The following CLASP2 variants were observed in gnomAD, a reference collection of about 807,000 sequenced individuals.
CLASP2 encodes the protein cytoplasmic linker associated protein 2.
CLASP2 carries 47 observed loss-of-function variants against 194.4 expected under a neutral mutation model. The ratio of observed to expected loss-of-function variants is 0.24; its 90% CI spans 0.19 to 0.31. The LOEUF (loss-of-function observed/expected upper bound fraction) is 0.31. CLASP2 is among the 10% of genes least tolerant of loss of function. CLASP2 has a pLI of 1.00. For synonymous variants in CLASP2, 619 were observed against 633.5 expected (o/e 0.98, Z 0.34); for missense variants, 1,445 against 1,823.6 (o/e 0.79, Z 3.78).
chr3:33,535,485 C>T, intron 33 of CLASP2, 24 bp from the exon 34 acceptor site: 5 of 1,553,650 alleles, frequency 3.2e-6, no homozygotes, highest in Non-Finnish European at 4.4e-6. Flanking sequence ...GTGAAAGCCA[C>T]AGCAAATTAA....
chr3:33,703,894 T>C (rs190028986), intron 1 of CLASP2, among the ~76,000 whole-genome samples: 16 of 152,368 alleles, frequency 1.1e-4, no homozygotes, highest in African/African-American at 2.6e-4. Context: ...GACAATGGAA[T>C]AGTATTCAGC....
chr3:33,642,786 T>C (rs1340538212), intron 8 of CLASP2, among the ~76,000 whole-genome samples: 1 of 151,842 alleles, frequency 6.6e-6, no homozygotes, highest in African/African-American at 2.4e-5. Flanking sequence ...CAATATCCTC[T>C]GGCCAGTAGC....
Position 33,570,202 on chromosome 3 carries a change from T to G in CLASP2, c.2763+525A>C, listed in dbSNP as rs1185851529. Among the ~76,000 whole-genome samples the G allele has an allele frequency of 2.6e-5, 4 of 152,280 alleles. No homozygotes were observed. In the South Asian group the frequency reaches 8.3e-4, roughly 32 times the overall value. On this transcript the variant is annotated intron_variant, in intron 26 of 38. Transcript: ENST00000682230. ...AATATATTTTAATCAACATTAAAAA[T>G]GAACAAAGTTCTGAAAATTTTTATG...
chr3:33,707,784 C>T (rs1314298149), intron 1 of CLASP2, among the ~76,000 whole-genome samples: 1 of 151,504 alleles, frequency 6.6e-6, no homozygotes, highest in Non-Finnish European at 1.5e-5. Context: ...ATGAAACCGG[C>T]AAGATCCAGA....
intron 33 of CLASP2, among the ~76,000 whole-genome samples, chr3:33,536,693 G>A (rs563363443): frequency 9.2e-5 from 14 of 152,296 alleles, no homozygotes; most frequent in Non-Finnish European, 2.1e-4. Flanking sequence ...GCATAATCAA[G>A]GAGGCCAAAT....
chr3:33,618,227 T>C (rs894502636), intron 12 of CLASP2, among the ~76,000 whole-genome samples: 3 of 151,966 alleles, frequency 2.0e-5, no homozygotes, highest in East Asian at 3.9e-4. Context: ...GGATTACAGG[T>C]GTGAGCTGCC....
At chr3:33,581,709 TAGAG>T (rs1283999048) in intron 23 of CLASP2, 108 bp downstream of exon 23, 18 of 668,792 alleles carry the variant, frequency 2.7e-5, no homozygotes, top group Middle Eastern at 2.6e-4. Flanking sequence ...AGAAAAGGGG[TAGAG>T]AGAAAGATCT....
At chr3:33,629,933 A>G (rs1000888942) in intron 9 of CLASP2, among the ~76,000 whole-genome samples, 1 of 152,172 alleles carries the variant, frequency 6.6e-6, no homozygotes, top group African/African-American at 2.4e-5. Flanking sequence ...ACAGATGATT[A>G]ATTCAGAGTG....
chr3:33,538,713 G>C, intron 33 of CLASP2, 76 bp downstream of exon 33: 1 of 1,257,930 alleles, frequency 7.9e-7, no homozygotes, highest in Non-Finnish European at 1.1e-6. Context: ...AAAAATGACA[G>C]AAAGCAAAAT....
intron 8 of CLASP2, among the ~76,000 whole-genome samples, chr3:33,639,134 T>TA (rs1479383573): frequency 6.6e-6 from 1 of 152,122 alleles, no homozygotes; most frequent in Non-Finnish European, 1.5e-5. Context: ...CACGGTGCAC[T>TA]ACAGCCTCAA....
At chr3:33,584,639 C>A in intron 22 of CLASP2, 111 bp downstream of exon 22, 2 of 957,628 alleles carry the variant, frequency 2.1e-6, no homozygotes, top group East Asian at 5.6e-5. Context: ...AAGTTATTTT[C>A]TTCTAATTTG....
intron 30 of CLASP2, among the ~76,000 whole-genome samples, chr3:33,550,164 G>A (rs1490860208): frequency 1.3e-5 from 2 of 152,086 alleles, no homozygotes; most frequent in Non-Finnish European, 2.9e-5. Context: ...AGCATTTTGG[G>A]AGGCTAAGGT....
intron 14 of CLASP2, among the ~76,000 whole-genome samples, chr3:33,608,325 G>A (rs535891809): frequency 5.3e-5 from 8 of 152,282 alleles, no homozygotes; most frequent in Non-Finnish European, 1.0e-4. Context: ...TCAACTTGGA[G>A]TATCTTATAT....
chr3:33,685,014 T>TA (rs1235500720), intron 5 of CLASP2, among the ~76,000 whole-genome samples: 1 of 143,890 alleles, frequency 6.9e-6, no homozygotes, highest in Admixed American at 7.1e-5. Context: ...AATAAATAAA[T>TA]AAATAAATAA....
chr3:33,501,978 CT>C, intron 37 of CLASP2: 1 of 464,202 alleles, frequency 2.2e-6, no homozygotes, highest in Non-Finnish European at 3.9e-6. Context: ...ACTGTTAGCC[CT>C]CTATATCAGG....
chr3:33,596,063 G>A (rs1455220170), intron 19 of CLASP2, among the ~76,000 whole-genome samples: 2 of 151,394 alleles, frequency 1.3e-5, no homozygotes, highest in Non-Finnish European at 2.9e-5. Context: ...CAAGCTCATA[G>A]GTAACATTAT....
chr3:33,716,856 T>C (rs1173002168), intron 1 of CLASP2, among the ~76,000 whole-genome samples: 1 of 152,344 alleles, frequency 6.6e-6, no homozygotes, highest in East Asian at 1.9e-4. Flanking sequence ...TCTTTTTGAA[T>C]AAAAGGTTTC....
intron 7 of CLASP2, among the ~76,000 whole-genome samples, chr3:33,650,799 AAAGAG>A (rs779753839): frequency 2.0e-5 from 3 of 152,166 alleles, no homozygotes; most frequent in Admixed American, 6.5e-5. Context: ...AAACAGGCAG[AAAGAG>A]AAGAGAAGGA....
chr3:33,620,600 G>C (rs2076948796), intron 11 of CLASP2, among the ~76,000 whole-genome samples: 1 of 152,154 alleles, frequency 6.6e-6, no homozygotes, highest in Non-Finnish European at 1.5e-5. Flanking sequence ...ATGAAAAGCA[G>C]GGAGGTGTGG....
Sources: allele counts gnomAD v4.1 joint callset (sites outside exome capture counted in the v4.1 genomes callset), GRCh38; gene constraint gnomAD v4.1.1; transcripts MANE v1.5; gene names NCBI Gene and HGNC (gene_info 2026-07-23, HGNC 2026-07-21).